Variants in NCOA1 observed in about 807,000 individuals in gnomAD.
NCOA1 encodes the protein nuclear receptor coactivator 1.
Under a neutral mutation model 150.9 loss-of-function variants are expected in NCOA1, and 35 were observed. The observed-to-expected ratio is 0.23, with a 90% CI of 0.18 to 0.31. NCOA1 has a LOEUF of 0.31. Ranked by LOEUF, NCOA1 falls within the 10% of genes least tolerant of loss-of-function variation. NCOA1 has a pLI of 1.00. For missense variants in NCOA1, 1,491 were observed against 1,749.3 expected, an observed-to-expected ratio of 0.85 and a Z score of 2.63; for synonymous variants, 590 against 630.0, an observed-to-expected ratio of 0.94 and a Z score of 0.95.
intron 4 of NCOA1, among the ~76,000 whole-genome samples, chr2:24,648,720 C>T (rs1168345185): frequency 6.6e-6 from 1 of 152,120 alleles, no homozygotes; most frequent in African/African-American, 2.4e-5. Flanking sequence ...TCATTTGGCT[C>T]TATGACTTTG....
At chr2:24,644,528 A>G (rs928209620) in intron 4 of NCOA1, among the ~76,000 whole-genome samples, 9 of 152,162 alleles carry the variant, frequency 5.9e-5, no homozygotes, top group African/African-American at 2.2e-4. Flanking sequence ...AATTGTAGGT[A>G]TACCCATATA....
At chr2:24,554,149 A>G (rs766826457) in intron 1 of NCOA1, among the ~76,000 whole-genome samples, 3 of 151,860 alleles carry the variant, frequency 2.0e-5, no homozygotes, top group Non-Finnish European at 4.4e-5. Flanking sequence ...AAAGAATTAG[A>G]TTTGTGTTTC....
intron 1 of NCOA1, among the ~76,000 whole-genome samples, chr2:24,541,121 T>C (rs938210518): frequency 2.0e-5 from 3 of 152,134 alleles, no homozygotes; most frequent in Non-Finnish European, 2.9e-5. Context: ...ATGTCTGGGG[T>C]TGAGGACAAT....
Position 24,686,851 on chromosome 2 carries a change from G to C in NCOA1, c.532+3723G>C, listed in dbSNP as rs112391828. Among the ~76,000 whole-genome samples, 341 of 152,210 alleles carry C rather than the reference G, an allele frequency of 2.2e-3. 6 individuals carry two copies. The highest frequency in any genetic ancestry group is 7.9e-3 in the African/African-American group (330 of 41,526). On this transcript the variant is annotated intron_variant, in intron 8 of 22. Coordinates refer to ENST00000348332, the MANE Select transcript of NCOA1 (RefSeq NM_003743.5). ...ATTGAACTTGCTGTTAATTATTGTTGTTGTTTTAAGAAGATAATGATAGTT... is the reference window on the plus strand; with the variant it reads ...ATTGAACTTGCTGTTAATTATTGTTCTTGTTTTAAGAAGATAATGATAGTT...
chr2:24,605,378 A>G (rs978664041), intron 3 of NCOA1, among the ~76,000 whole-genome samples: 1 of 152,228 alleles, frequency 6.6e-6, no homozygotes, highest in Non-Finnish European at 1.5e-5. Flanking sequence ...GTATTCTACT[A>G]TCTACCTCTT....
intron 1 of NCOA1, among the ~76,000 whole-genome samples, chr2:24,516,132 G>A (rs1664148788): frequency 6.6e-6 from 1 of 150,920 alleles, no homozygotes; most frequent in Non-Finnish European, 1.5e-5. Flanking sequence ...AAGTGACATG[G>A]ACCCTGACCT....
chr2:24,571,528 A>C (rs1558802978), intron 2 of NCOA1, among the ~76,000 whole-genome samples: 2 of 152,190 alleles, frequency 1.3e-5, no homozygotes, highest in African/African-American at 4.8e-5. Flanking sequence ...CCCAGGTGCT[A>C]TGTTTTAGAG....
At position 24,770,068 on chromosome 2, in the gene NCOA1, C is replaced by T. The variant is rs781228474; in HGVS notation, c.*1677C>T. The T allele has an allele frequency of 2.2e-5, 5 of 228,614 alleles. No homozygotes were observed. The highest frequency in any genetic ancestry group is 6.3e-5 in the East Asian group (1 of 15,982). 14.2% of individuals were successfully genotyped at this position (228,614 alleles called of 1,614,324 possible). A position where few individuals can be genotyped will look rare whatever the true frequency, so the allele number is the denominator to read the frequency against. ...AACAGCATCTATTCAGAAACTATGC[C>T]GAATAAAAAGATTGGTGGAAGGGCT... On this transcript the variant is annotated 3_prime_UTR_variant, in exon 23 of 23. Coordinates refer to ENST00000348332, the MANE Select transcript of NCOA1 (RefSeq NM_003743.5).
At chr2:24,612,246 T>C (rs999722408) in intron 3 of NCOA1, among the ~76,000 whole-genome samples, 1 of 152,218 alleles carries the variant, frequency 6.6e-6, no homozygotes, top group Non-Finnish European at 1.5e-5. Context: ...CCCAATCTTA[T>C]ACAGTTTCTG....
Position 24,614,199 on chromosome 2 carries a change from C to CTTTTTTT in NCOA1, c.-175+29665_-175+29671dup, listed in dbSNP as rs869113477. 3.5e-3 allele frequency among the ~76,000 whole-genome samples: 32 copies of CTTTTTTT among 9,170 alleles called. 5 individuals carry two copies. Among genetic ancestry groups the CTTTTTTT allele is most frequent in the African/African-American group, 7.8e-3 (19 of 2,448 alleles). The allele number at this position is 9,170 out of a possible 152,430, so 6.0% of individuals were successfully genotyped here. ...CCTATTGTATCGATTCATTTCCATT[C>CTTTTTTT]TTTTTTTTTTTTTTTTTTTTTTTTT... On this transcript the variant is annotated intron_variant, in intron 3 of 22. Transcript: ENST00000348332.
intron 17 of NCOA1, among the ~76,000 whole-genome samples, chr2:24,735,813 C>G (rs1215539958): frequency 6.6e-6 from 1 of 152,184 alleles, no homozygotes; most frequent in Non-Finnish European, 1.5e-5. Flanking sequence ...CCCGCTTACT[C>G]CTCAAATAAG....
intron 1 of NCOA1, among the ~76,000 whole-genome samples, chr2:24,500,351 G>A (rs765939028): frequency 7.2e-5 from 11 of 152,044 alleles, no homozygotes; most frequent in Admixed American, 2.6e-4. Context: ...CGGGTGATCC[G>A]CCCGCCTTGG....
chr2:24,569,684 A>G (rs1666660074), intron 2 of NCOA1, among the ~76,000 whole-genome samples: 2 of 148,206 alleles, frequency 1.3e-5, no homozygotes, highest in African/African-American at 4.9e-5. Flanking sequence ...AACCTGGCCA[A>G]TGTGGTGAAA....
chr2:24,718,759 C>T (rs1193005517), intron 14 of NCOA1, among the ~76,000 whole-genome samples: 1 of 150,546 alleles, frequency 6.6e-6, no homozygotes, highest in East Asian at 1.9e-4. Context: ...CGGGCGGCTA[C>T]TCAGGAGGCT....
At chr2:24,593,517 T>A (rs1344191107) in intron 3 of NCOA1, among the ~76,000 whole-genome samples, 2 of 152,168 alleles carry the variant, frequency 1.3e-5, no homozygotes, top group Non-Finnish European at 2.9e-5. Flanking sequence ...TTTACACATT[T>A]CTTTGTCCTT....
chr2:24,559,687 CCTT>C (rs113189593), intron 1 of NCOA1, among the ~76,000 whole-genome samples: 5,941 of 152,180 alleles, frequency 0.039, 158 homozygotes, highest in African/African-American at 0.081. Context: ...ACAGGAATAT[CCTT>C]CTTTTCCCCT....
In NCOA1 at chr2:24,673,356, T is replaced by C; in HGVS notation, c.257-10T>C. The stretch of plus-strand genomic sequence containing the variant: ...CAGATATGTGATTTTTTTAAGTTTC[T>C]TTATTATAGAGAAATCAACAACTGA... On this transcript the variant is annotated splice_polypyrimidine_tract_variant and intron_variant, in intron 6 of 22. Transcript: ENST00000348332. 2 of 1,524,356 alleles carry C rather than the reference T, an allele frequency of 1.3e-6. No homozygotes were observed. The highest frequency in any genetic ancestry group is 2.7e-5 in the South Asian group (2 of 74,646). The allele number at this position is 1,524,356 out of a possible 1,614,324, so 94.4% of individuals were successfully genotyped here. A position where few individuals can be genotyped will look rare whatever the true frequency, so the allele number is the denominator to read the frequency against.
intron 4 of NCOA1, among the ~76,000 whole-genome samples, chr2:24,650,809 C>G (rs1670678959): frequency 6.6e-6 from 1 of 152,060 alleles, no homozygotes; most frequent in Non-Finnish European, 1.5e-5. Context: ...AGTTGAGTAT[C>G]CCTTATCAAA....
At chr2:24,678,376 T>A (rs1180890928) in intron 7 of NCOA1, among the ~76,000 whole-genome samples, 1 of 152,328 alleles carries the variant, frequency 6.6e-6, no homozygotes, top group Middle Eastern at 3.4e-3. Context: ...TATAACAGAA[T>A]GATTTATGTC....
Sources: gnomAD v4.1 joint callset for allele counts (sites outside exome capture counted in the v4.1 genomes callset) on GRCh38, gnomAD v4.1.1 for gene constraint, MANE v1.5 for transcripts, NCBI Gene and HGNC (gene_info 2026-07-23, HGNC 2026-07-21) for gene names.